RNF125: variants seen among roughly 807,000 people sequenced by gnomAD.
RNF125 encodes the protein ring finger protein 125.
A neutral mutation model predicts 26.0 loss-of-function variants in RNF125; 21 were observed. That is an observed-to-expected ratio of 0.81 (90% CI 0.57 to 1.16). RNF125 has a LOEUF of 1.16. Among genes scored for constraint, RNF125 ranks in the 50% most tolerant of loss-of-function variants. The pLI, the probability that RNF125 is intolerant of heterozygous loss-of-function variation, is 0.00. For missense variants in RNF125, 270 were observed against 299.4 expected, an observed-to-expected ratio of 0.90 and a Z score of 0.72; for synonymous variants, 95 against 109.2, an observed-to-expected ratio of 0.87 and a Z score of 0.81.
intron 1 of RNF125, among the ~76,000 whole-genome samples, chr18:32,030,269 C>T (rs113903922): frequency 0.09 from 13,760 of 152,096 alleles, 637 homozygotes; most frequent in Non-Finnish European, 0.11. Flanking sequence ...TCTCGAACTC[C>T]AGACCTCAGG....
chr18:32,058,173 A>C (rs2039403538), intron 4 of RNF125, among the ~76,000 whole-genome samples: 1 of 151,774 alleles, frequency 6.6e-6, no homozygotes, highest in Admixed American at 6.6e-5. Flanking sequence ...GCAAGTGAGA[A>C]GTATGACCAT....
intron 4 of RNF125, among the ~76,000 whole-genome samples, chr18:32,054,975 A>G (rs534041325): frequency 6.6e-6 from 1 of 152,310 alleles, no homozygotes; most frequent in Admixed American, 6.5e-5. Flanking sequence ...AGCTTCTATT[A>G]TGTGCCAAAT....
chr18:32,023,171 G>A (rs921137562), intron 1 of RNF125, among the ~76,000 whole-genome samples: 1 of 151,914 alleles, frequency 6.6e-6, no homozygotes, highest in African/African-American at 2.4e-5. Context: ...TGTTTATTTT[G>A]AGATGGAGTC....
At chr18:32,030,853 G>C (rs2039086588) in intron 1 of RNF125, among the ~76,000 whole-genome samples, 1 of 152,136 alleles carries the variant, frequency 6.6e-6, no homozygotes, top group Non-Finnish European at 1.5e-5. Flanking sequence ...ACGTGAGAGA[G>C]CTCGCTTATT....
Position 32,033,898 on chromosome 18 carries a change from T to C in RNF125, c.165-3218T>C, listed in dbSNP as rs190622335. 2.1e-3 allele frequency among the ~76,000 whole-genome samples: 321 copies of C among 152,020 alleles called. 1 individual carries two copies. The highest frequency in any genetic ancestry group is 7.5e-3 in the African/African-American group (309 of 41,436). ...TCAATCCAGCTTCTAGACGTTCTAT[T>C]AGTGACAGTGACTGATATCCCATCC... On this transcript the variant is annotated intron_variant, in intron 1 of 5. Coordinates refer to ENST00000217740, the MANE Select transcript of RNF125 (RefSeq NM_017831.4).
intron 4 of RNF125, among the ~76,000 whole-genome samples, chr18:32,051,665 G>C (rs2039329225): frequency 6.7e-6 from 1 of 148,292 alleles, no homozygotes; most frequent in African/African-American, 2.5e-5. Context: ...CCCTGATTCA[G>C]GGGTTCCAGT....
intron 4 of RNF125, among the ~76,000 whole-genome samples, chr18:32,058,851 TC>T (rs571188157): frequency 6.6e-6 from 1 of 152,308 alleles, no homozygotes; most frequent in African/African-American, 2.4e-5. Flanking sequence ...AATTTTTAGC[TC>T]CCACAAATAA....
At chr18:32,077,264 A>G (rs1423183939), downstream of RNF125, among the ~76,000 whole-genome samples, 1 of 151,402 alleles carries the variant, frequency 6.6e-6, no homozygotes, top group East Asian at 1.9e-4. Context: ...TTGAGGCTAT[A>G]GTGCACTATG....
At chr18:32,040,070 C>T (rs1485939504) in intron 2 of RNF125, among the ~76,000 whole-genome samples, 7 of 151,928 alleles carry the variant, frequency 4.6e-5, no homozygotes, top group East Asian at 1.9e-4. Flanking sequence ...TGAGCCACTG[C>T]GCCCAGCTTT....
the RNF125 span, among the ~76,000 whole-genome samples, chr18:32,083,218 G>T: frequency 2.1e-3 from 321 of 152,200 alleles, 5 homozygotes; most frequent in South Asian, 0.017. Context: ...TTTCTTATTT[G>T]GTCTAAGGTT....
downstream of RNF125, among the ~76,000 whole-genome samples, chr18:32,075,603 A>G (rs943842835): frequency 2.0e-5 from 3 of 150,962 alleles, no homozygotes; most frequent in South Asian, 2.1e-4. Context: ...TGAGGCAGGA[A>G]AATTGCTTGA....
chr18:32,084,893 G>A, the RNF125 span, among the ~76,000 whole-genome samples: 1 of 152,176 alleles, frequency 6.6e-6, no homozygotes, highest in African/African-American at 2.4e-5. Context: ...CATTTATGAA[G>A]AAGTTGAAAT....
Position 32,032,442 on chromosome 18 carries a change from A to G in RNF125, c.165-4674A>G, listed in dbSNP as rs148324298. On this transcript the variant is annotated intron_variant, in intron 1 of 5. Coordinates refer to ENST00000217740, the MANE Select transcript of RNF125 (RefSeq NM_017831.4). ...TGGCCAGGCTGGTCTCGAACTCCTG[A>G]CCTCAGGTGAGCCACCTACCTCCCA... Among the ~76,000 whole-genome samples the G allele has an allele frequency of 6.0e-3, 908 of 151,224 alleles. 13 individuals carry two copies. Among genetic ancestry groups the G allele is most frequent in the African/African-American group, 0.021 (874 of 41,150 alleles).
chr18:32,037,486 C>A (rs2039170174), intron 2 of RNF125, among the ~76,000 whole-genome samples: 1 of 150,836 alleles, frequency 6.6e-6, no homozygotes, highest in Non-Finnish European at 1.5e-5. Flanking sequence ...ATTCTCCTGC[C>A]CGCAGCTTCT....
the RNF125 span, among the ~76,000 whole-genome samples, chr18:32,090,377 TTCC>T: frequency 1.1e-4 from 17 of 152,264 alleles, no homozygotes; most frequent in African/African-American, 4.1e-4. Flanking sequence ...TCACGTGCTC[TTCC>T]TCCTTCCAGG....
At chr18:32,031,729 C>T (rs1350574783) in intron 1 of RNF125, among the ~76,000 whole-genome samples, 1 of 151,976 alleles carries the variant, frequency 6.6e-6, no homozygotes, top group Admixed American at 6.6e-5. Flanking sequence ...TACCTTAGAA[C>T]TTATAATTAG....
chr18:32,057,584 C>G (rs1164731557), intron 4 of RNF125, among the ~76,000 whole-genome samples: 1 of 152,102 alleles, frequency 6.6e-6, no homozygotes, highest in Non-Finnish European at 1.5e-5. Flanking sequence ...ATCTGCCCAC[C>G]TCAGCCTCCC....
chr18:32,087,427 T>C, the RNF125 span, among the ~76,000 whole-genome samples: 2 of 151,760 alleles, frequency 1.3e-5, no homozygotes, highest in Non-Finnish European at 2.9e-5. Context: ...TCTGGGGGTA[T>C]GGAAGCCAGT....
intron 3 of RNF125, among the ~76,000 whole-genome samples, chr18:32,043,942 G>A (rs1348394290): frequency 4.6e-5 from 7 of 151,626 alleles, no homozygotes; most frequent in South Asian, 2.1e-4. Flanking sequence ...CCAAGACTCC[G>A]TATTGTCCCT....
Sources: allele counts gnomAD v4.1 joint callset (sites outside exome capture counted in the v4.1 genomes callset), GRCh38; gene constraint gnomAD v4.1.1; transcripts MANE v1.5; gene names NCBI Gene and HGNC (gene_info 2026-07-23, HGNC 2026-07-21).